SLC12A8: variants seen among roughly 807,000 people sequenced by gnomAD.
The protein encoded by SLC12A8 is cation-chloride cotransporter 9.
Under a neutral mutation model 75.6 loss-of-function variants are expected in SLC12A8, and 69 were observed. That is an observed-to-expected ratio of 0.91 (90% confidence interval 0.75 to 1.11). The LOEUF (loss-of-function observed/expected upper bound fraction) is 1.11. Ranked by LOEUF, SLC12A8 falls within the 50% of genes most tolerant of loss-of-function variation. The pLI is 0.00. For synonymous variants in SLC12A8, 365 were observed against 372.8 expected (o/e 0.98, Z 0.24); for missense variants, 877 against 896.7 (o/e 0.98, Z 0.28).
chr3:125,182,699 G>A (rs1423064440), intron 4 of SLC12A8, among the ~76,000 whole-genome samples: 1 of 152,086 alleles, frequency 6.6e-6, no homozygotes, highest in Non-Finnish European at 1.5e-5. Flanking sequence ...GTAGGGACAG[G>A]GTTTCACCAT....
chr3:125,133,377 ACAAT>A (rs1933407461), intron 6 of SLC12A8, among the ~76,000 whole-genome samples: 1 of 50,418 alleles, frequency 2.0e-5, no homozygotes, highest in Non-Finnish European at 7.2e-5. Flanking sequence ...ACACACACAC[ACAAT>A]TTTTTTTTTG....
intron 5 of SLC12A8, among the ~76,000 whole-genome samples, chr3:125,168,945 A>G (rs1442914566): frequency 2.0e-5 from 3 of 152,198 alleles, no homozygotes; most frequent in African/African-American, 7.2e-5. Flanking sequence ...CACAGATGGC[A>G]GAGGGCCATG....
chr3:125,113,306 T>C (rs1023065728), intron 8 of SLC12A8, among the ~76,000 whole-genome samples: 3 of 152,240 alleles, frequency 2.0e-5, no homozygotes, highest in Non-Finnish European at 4.4e-5. Context: ...TAGAATGATC[T>C]GTTCACTTAC....
intron 10 of SLC12A8, among the ~76,000 whole-genome samples, chr3:125,099,283 T>C (rs929713397): frequency 6.6e-6 from 1 of 152,318 alleles, no homozygotes; most frequent in Admixed American, 6.5e-5. Flanking sequence ...GGGAGGCAGA[T>C]GCCACAGTTG....
chr3:125,148,674 A>G (rs534262787), intron 5 of SLC12A8, among the ~76,000 whole-genome samples: 22 of 152,128 alleles, frequency 1.4e-4, no homozygotes, highest in Non-Finnish European at 2.1e-4. Flanking sequence ...TGCTCGCACC[A>G]CAGAGCCCAC....
chr3:125,097,542 G>A (rs1244184182), intron 10 of SLC12A8, among the ~76,000 whole-genome samples: 1 of 62,826 alleles, frequency 1.6e-5, no homozygotes, highest in Non-Finnish European at 4.7e-5. Flanking sequence ...GTGTGTGTGT[G>A]TGTGTGTGTG....
rs1650785533 is a variant in SLC12A8 at position 125,194,272 on chromosome 3, C to T, written c.52-3751G>A. ...CTGCCATGCTCCTCATTGCTAGGGT[C>T]TTCCTTCCCAAGCCCCCAGGACAAG... On this transcript the variant is annotated intron_variant, in intron 2 of 13. Transcript: ENST00000469902. 3.3e-5 allele frequency among the ~76,000 whole-genome samples: 5 copies of T among 152,248 alleles called. No individual in the cohort carries two copies. The South Asian group carries it at 1.0e-3, about 31-fold the overall frequency.
chr3:125,155,499 C>T (rs1270523934), intron 5 of SLC12A8, among the ~76,000 whole-genome samples: 6 of 152,012 alleles, frequency 3.9e-5, no homozygotes, highest in Non-Finnish European at 2.9e-5. Context: ...GAGCCGGGCG[C>T]GGTGGCTCAC....
intron 10 of SLC12A8, among the ~76,000 whole-genome samples, chr3:125,101,384 T>A (rs1938871774): frequency 6.6e-6 from 1 of 152,262 alleles, no homozygotes; most frequent in Non-Finnish European, 1.5e-5. Context: ...ATTCATTTGT[T>A]GAATGGACAT....
At chr3:125,099,208 G>A (rs1308762760) in intron 10 of SLC12A8, among the ~76,000 whole-genome samples, 1 of 152,008 alleles carries the variant, frequency 6.6e-6, no homozygotes, top group East Asian at 1.9e-4. Context: ...GCAACTCCTA[G>A]GAAGCAAGGC....
intron 2 of SLC12A8, among the ~76,000 whole-genome samples, chr3:125,204,992 C>T (rs1935198749): frequency 2.0e-5 from 3 of 152,160 alleles, no homozygotes; most frequent in Non-Finnish European, 4.4e-5. Flanking sequence ...ACAACCAATG[C>T]TGAGTCTATA....
chr3:125,206,388 G>A (rs974623089), intron 2 of SLC12A8, among the ~76,000 whole-genome samples: 5 of 152,138 alleles, frequency 3.3e-5, no homozygotes, highest in Admixed American at 3.3e-4. Context: ...ACTATTGCTG[G>A]AACTCAAGTC....
chr3:125,144,599 C>T (rs1933728268), intron 5 of SLC12A8, among the ~76,000 whole-genome samples: 1 of 152,148 alleles, frequency 6.6e-6, no homozygotes, highest in African/African-American at 2.4e-5. Context: ...GGGAAGTCTC[C>T]ACCCTGGCTG....
In SLC12A8 at chr3:125,133,745, T is replaced by G. The variant is rs189992548; in HGVS notation, c.736+1924A>C. On this transcript the variant is annotated intron_variant, in intron 6 of 13. Transcript: ENST00000469902. ...CCGGCCAAAGCTAACTTTTTAATCA[T>G]GTTTTGTAGAGACCACAGGGTCTCA... Among the ~76,000 whole-genome samples, 6 of 152,138 alleles carry G rather than the reference T, an allele frequency of 3.9e-5. No individual in the cohort carries two copies. In the East Asian group the frequency reaches 1.2e-3, roughly 29 times the overall value.
rs1934596608 is a variant in SLC12A8, at chr3:125,179,047, C to T, written c.391-1073G>A. Among the ~76,000 whole-genome samples the T allele has an allele frequency of 2.0e-5, 3 of 152,098 alleles. No individual in the cohort carries two copies. In the South Asian group the frequency reaches 6.3e-4, roughly 32 times the overall value. ...CTTTTCCTAATTCCTCAGCCTCAGC[C>T]TTCTTCTCTCCTCAGGTTTGTCCTT... On this transcript the variant is annotated intron_variant, in intron 4 of 13. Transcript: ENST00000469902.
chr3:125,211,575 G>A (rs937183851), intron 1 of SLC12A8, among the ~76,000 whole-genome samples, 181 bp from the exon 2 acceptor site: 1 of 152,180 alleles, frequency 6.6e-6, no homozygotes, highest in Non-Finnish European at 1.5e-5. Context: ...GGTAGATCCC[G>A]CTGGTCCTTC....
chr3:125,158,174 T>C lies in SLC12A8; in HGVS notation c.622+19569A>G, dbSNP rs143703329. Among the ~76,000 whole-genome samples the C allele has an allele frequency of 3.5e-3, 533 of 152,298 alleles. 2 individuals are homozygous for C. The highest frequency in any genetic ancestry group is 4.4e-3 in the South Asian group (21 of 4,820). On this transcript the variant is annotated intron_variant, in intron 5 of 13. Coordinates refer to ENST00000469902, the MANE Select transcript of SLC12A8 (RefSeq NM_024628.6). ...TTCATTTCTAAGTAGGCCATTTCTC[T>C]GCTTATATTTGTTCCTAGTAAGCCC...
At chr3:125,203,002 C>T (rs998061627) in intron 2 of SLC12A8, among the ~76,000 whole-genome samples, 2 of 146,986 alleles carry the variant, frequency 1.4e-5, no homozygotes, top group Non-Finnish European at 3.0e-5. Context: ...GCAGGAGAAT[C>T]GCTTGAACCC....
At chr3:125,118,696 G>T in intron 8 of SLC12A8, 73 bp downstream of exon 8, 1 of 1,025,286 alleles carries the variant, frequency 9.8e-7, no homozygotes, top group Non-Finnish European at 1.5e-6. Flanking sequence ...AGGGGAAGGT[G>T]GCCATTTGTT....
Sources: allele counts gnomAD v4.1 joint callset (sites outside exome capture counted in the v4.1 genomes callset), GRCh38; gene constraint gnomAD v4.1.1; transcripts MANE v1.5; gene names NCBI Gene and HGNC (gene_info 2026-07-23, HGNC 2026-07-21).